The following PIK3C2G variants were observed in gnomAD, a reference collection of about 807,000 sequenced individuals.
PIK3C2G encodes the protein phosphatidylinositol-4-phosphate 3-kinase catalytic subunit type 2 gamma, also known as phosphatidylinositol 3-kinase C2 domain-containing subunit gamma.
A neutral mutation model predicts 181.1 loss-of-function variants in PIK3C2G; 168 were observed. The ratio of observed to expected loss-of-function variants is 0.93; its 90% confidence interval spans 0.82 to 1.05. The LOEUF is 1.05. PIK3C2G is among the 50% of genes least tolerant of loss of function. The pLI is 0.00. For synonymous variants in PIK3C2G, 573 were observed against 592.2 expected (o/e 0.97, Z 0.47); for missense variants, 1,869 against 1,732.8 (o/e 1.08, Z -1.40).
chr12:18,695,088 A>G, the PIK3C2G span: 1 of 1,610,796 alleles, frequency 6.2e-7, no homozygotes, highest in African/African-American at 1.3e-5. Context: ...CACTGTAAGA[A>G]AGAAGTATTT....
intron 11 of PIK3C2G, among the ~76,000 whole-genome samples, chr12:18,355,989 G>T (rs1193960971): frequency 2.6e-5 from 4 of 152,174 alleles, no homozygotes; most frequent in Non-Finnish European, 5.9e-5. Context: ...AGACACTTGG[G>T]GAACAGGTCC....
intron 6 of PIK3C2G, among the ~76,000 whole-genome samples, chr12:18,318,299 A>T (rs1175319100): frequency 6.6e-6 from 1 of 152,190 alleles, no homozygotes; most frequent in Non-Finnish European, 1.5e-5. Context: ...TAAGCTTTAT[A>T]AAATTTTCTT....
At chr12:18,697,507 CATAAT>C in the PIK3C2G span, among the ~76,000 whole-genome samples, 4 of 152,060 alleles carry the variant, frequency 2.6e-5, no homozygotes, top group Admixed American at 2.6e-4. Context: ...GGTCTCATAA[CATAAT>C]ATGATTTTGT....
At chr12:18,508,906 T>C (rs1399705231) in intron 24 of PIK3C2G, among the ~76,000 whole-genome samples, 1 of 152,206 alleles carries the variant, frequency 6.6e-6, no homozygotes, top group Admixed American at 6.5e-5. Flanking sequence ...ATTAAAATGC[T>C]GCACCCACTG....
the PIK3C2G span, among the ~76,000 whole-genome samples, chr12:18,712,615 G>A: frequency 6.6e-6 from 1 of 152,084 alleles, no homozygotes; most frequent in East Asian, 1.9e-4. Flanking sequence ...ACACACACGA[G>A]TAAACAAAAA....
chr12:18,613,479 A>G (rs1156950095), intron 31 of PIK3C2G, among the ~76,000 whole-genome samples: 1 of 152,084 alleles, frequency 6.6e-6, no homozygotes, highest in East Asian at 1.9e-4. Context: ...CCACACACTA[A>G]AACTGTATTA....
intron 31 of PIK3C2G, among the ~76,000 whole-genome samples, chr12:18,626,032 A>T (rs1238632654): frequency 6.6e-6 from 1 of 151,738 alleles, no homozygotes; most frequent in Non-Finnish European, 1.5e-5. Context: ...AAGTATTGAC[A>T]GGTAAAGACT....
chr12:18,258,483 C>T (rs1948170737), upstream of PIK3C2G, among the ~76,000 whole-genome samples: 1 of 152,022 alleles, frequency 6.6e-6, no homozygotes, highest in South Asian at 2.1e-4. Flanking sequence ...ACTCTCTGCT[C>T]CTATTAATTT....
intron 14 of PIK3C2G, 44 bp downstream of exon 14, chr12:18,381,924 G>T: frequency 8.9e-7 from 1 of 1,125,864 alleles, no homozygotes; most frequent in Non-Finnish European, 1.4e-6. Context: ...GGCAAGTATT[G>T]GTTGATACGT....
At chr12:18,501,029 C>T (rs1166243202) in intron 22 of PIK3C2G, among the ~76,000 whole-genome samples, 2 of 151,998 alleles carry the variant, frequency 1.3e-5, no homozygotes, top group African/African-American at 4.8e-5. Flanking sequence ...GACCACGAAC[C>T]CACCAGAAGG....
chr12:18,336,586 C>A (rs1938560734), intron 8 of PIK3C2G, among the ~76,000 whole-genome samples: 1 of 152,060 alleles, frequency 6.6e-6, no homozygotes, highest in South Asian at 2.1e-4. Context: ...CTGGTAGCCA[C>A]ATCACAATAT....
chr12:18,466,701 G>C (rs1229718231), intron 18 of PIK3C2G, among the ~76,000 whole-genome samples: 2 of 151,788 alleles, frequency 1.3e-5, no homozygotes, highest in Non-Finnish European at 2.9e-5. Context: ...AGAGAAGCTC[G>C]AAAGGTTCAA....
rs572458749 is a variant in PIK3C2G, at chr12:18,323,141, C to A, written c.1209-1894C>A. 2.0e-5 allele frequency among the ~76,000 whole-genome samples: 3 copies of A among 152,260 alleles called. No homozygotes were observed. The South Asian group carries it at 6.2e-4, about 32-fold the overall frequency. On this transcript the variant is annotated intron_variant, in intron 7 of 32. Transcript: ENST00000538779. ...TCATTCTGTTCTTGTCTTACCCCTG[C>A]CATTGCCTGCCCCCTAGCAGATATT...
In PIK3C2G at chr12:18,638,177, T is replaced by C. The variant is rs143404101; in HGVS notation, c.4183-2252T>C. On this transcript the variant is annotated intron_variant, in intron 31 of 32. Coordinates refer to ENST00000538779, the MANE Select transcript of PIK3C2G (RefSeq NM_001288772.2). ...GCCAGCTGGGATTTGAGTTTGGTTA[T>C]AGGGCTAGAAGCAGAGAGAGATGAG... Among the ~76,000 whole-genome samples, 864 of 152,236 alleles carry C rather than the reference T, an allele frequency of 5.7e-3. 2 individuals carry two copies. The highest frequency in any genetic ancestry group is 0.014 in the Middle Eastern group (4 of 294).
chr12:18,386,512 T>C (rs1333891027), intron 14 of PIK3C2G, among the ~76,000 whole-genome samples: 1 of 152,196 alleles, frequency 6.6e-6, no homozygotes, highest in East Asian at 1.9e-4. Context: ...GTTTGGGGCA[T>C]TTCATTTAAA....
chr12:18,411,950 G>C (rs1186157827), intron 16 of PIK3C2G, among the ~76,000 whole-genome samples: 1 of 152,010 alleles, frequency 6.6e-6, no homozygotes, highest in Non-Finnish European at 1.5e-5. Flanking sequence ...ACAATAAGGG[G>C]AGAAAATCTA....
chr12:18,367,181 C>T (rs1941700017), intron 12 of PIK3C2G, among the ~76,000 whole-genome samples: 1 of 152,020 alleles, frequency 6.6e-6, no homozygotes, highest in Admixed American at 6.6e-5. Context: ...AATAGAAAGT[C>T]AATTATAAGT....
intron 31 of PIK3C2G, among the ~76,000 whole-genome samples, chr12:18,613,214 C>G (rs1416271266): frequency 6.6e-6 from 1 of 152,008 alleles, no homozygotes; most frequent in Non-Finnish European, 1.5e-5. Context: ...AGGCTGCTCT[C>G]TTCTCCCTGC....
At chr12:18,656,516 G>A in the PIK3C2G span, among the ~76,000 whole-genome samples, 1 of 152,280 alleles carries the variant, frequency 6.6e-6, no homozygotes, top group Admixed American at 6.5e-5. Context: ...AGTGAGACAA[G>A]ATCACACCAC....
Sources: allele counts gnomAD v4.1 joint callset (sites outside exome capture counted in the v4.1 genomes callset), GRCh38; gene constraint gnomAD v4.1.1; transcripts MANE v1.5; gene names NCBI Gene and HGNC (gene_info 2026-07-23, HGNC 2026-07-21).